Variants in SLC35F1 observed in about 807,000 individuals in gnomAD.
SLC35F1 encodes solute carrier family 35 member F1.
In SLC35F1, 14 loss-of-function variants were observed where a neutral mutation model predicts 48.7. That is an observed-to-expected ratio of 0.29 (90% CI 0.19 to 0.45). The LOEUF (loss-of-function observed/expected upper bound fraction) is 0.45, where lower values mean the gene tolerates loss of function less well. Ranked by LOEUF, SLC35F1 falls within the 20% of genes least tolerant of loss-of-function variation. The pLI, the probability that SLC35F1 is intolerant of heterozygous loss-of-function variation, is 1.00. For synonymous variants in SLC35F1, 190 were observed against 202.2 expected (o/e 0.94, Z 0.51); for missense variants, 404 against 500.0 (o/e 0.81, Z 1.83).
intron 7 of SLC35F1, among the ~76,000 whole-genome samples, chr6:118,295,281 A>T (rs965415045): frequency 2.6e-5 from 4 of 152,200 alleles, no homozygotes; most frequent in Admixed American, 2.6e-4. Context: ...ATATTTATTT[A>T]TTCTGTACCT....
chr6:118,018,763 A>G (rs1777355616), intron 1 of SLC35F1, among the ~76,000 whole-genome samples: 1 of 152,200 alleles, frequency 6.6e-6, no homozygotes, highest in African/African-American at 2.4e-5. Context: ...TGTGTGGCTA[A>G]TGGGACCAGT....
intron 2 of SLC35F1, among the ~76,000 whole-genome samples, chr6:118,223,353 G>T (rs1775175807): frequency 6.6e-6 from 1 of 151,860 alleles, no homozygotes; most frequent in African/African-American, 2.4e-5. Flanking sequence ...CTGCGAGCCA[G>T]ACACTTTACA....
At chr6:118,070,547 C>T (rs1158662645) in intron 1 of SLC35F1, among the ~76,000 whole-genome samples, 1 of 152,004 alleles carries the variant, frequency 6.6e-6, no homozygotes, top group Non-Finnish European at 1.5e-5. Context: ...TAATTGAATA[C>T]TATCAAATTT....
intron 2 of SLC35F1, among the ~76,000 whole-genome samples, chr6:118,202,305 G>A (rs1287773906): frequency 1.3e-5 from 2 of 151,828 alleles, no homozygotes; most frequent in South Asian, 2.1e-4. Flanking sequence ...AAGCAGTCTG[G>A]GCAACATAGA....
intron 2 of SLC35F1, among the ~76,000 whole-genome samples, chr6:118,234,203 G>T (rs1775332646): frequency 6.6e-6 from 1 of 152,130 alleles, no homozygotes; most frequent in Non-Finnish European, 1.5e-5. Context: ...CTCTAAGATG[G>T]CCTCCAAGGA....
chr6:118,269,906 A>G (rs1009664816), intron 4 of SLC35F1, among the ~76,000 whole-genome samples: 8 of 152,112 alleles, frequency 5.3e-5, no homozygotes, highest in Non-Finnish European at 1.0e-4. Flanking sequence ...GTGTGCACCT[A>G]TAGTCCTGCC....
intron 1 of SLC35F1, among the ~76,000 whole-genome samples, chr6:117,958,225 T>C (rs1776451896): frequency 6.6e-6 from 1 of 152,174 alleles, no homozygotes; most frequent in South Asian, 2.1e-4. Context: ...TTTGCATAGC[T>C]GTACAATGTA....
At chr6:118,051,891 A>G (rs1196353647) in intron 1 of SLC35F1, among the ~76,000 whole-genome samples, 1 of 152,186 alleles carries the variant, frequency 6.6e-6, no homozygotes, top group Non-Finnish European at 1.5e-5. Context: ...ATACAGTGCC[A>G]GAAGAACCAG....
chr6:118,221,954 T>C (rs1444045966), intron 2 of SLC35F1, among the ~76,000 whole-genome samples: 1 of 132,530 alleles, frequency 7.5e-6, no homozygotes, highest in Non-Finnish European at 1.6e-5. Flanking sequence ...TTTTTACATA[T>C]ATGTATACAA....
At chr6:117,923,686 C>CATATATGT (rs1554216712) in intron 1 of SLC35F1, among the ~76,000 whole-genome samples, 3 of 65,300 alleles carry the variant, frequency 4.6e-5, no homozygotes, top group Admixed American at 1.8e-4. Context: ...TACATATATA[C>CATATATGT]ATATGTACAT....
chr6:118,266,695 G>A (rs569189110), intron 3 of SLC35F1, among the ~76,000 whole-genome samples: 2 of 152,236 alleles, frequency 1.3e-5, no homozygotes, highest in Middle Eastern at 6.8e-3. Context: ...AGGAAGACAG[G>A]AGGCAGAGCT....
In SLC35F1 at chr6:117,916,987, G is replaced by T. The variant is rs111335736; in HGVS notation, c.173+9088G>T. Reference sequence around the variant, plus strand: ...GAGACTACATTCTACAAGAAAGGCAGGCAATAAAAACATGAAAAAGGTATC... The same window carrying T: ...GAGACTACATTCTACAAGAAAGGCATGCAATAAAAACATGAAAAAGGTATC... On this transcript the variant is annotated intron_variant, in intron 1 of 7. Transcript: ENST00000360388. Among the ~76,000 whole-genome samples, 1,095 of 152,290 alleles carry T rather than the reference G, an allele frequency of 7.2e-3. 15 individuals are homozygous for T. The highest frequency in any genetic ancestry group is 0.025 in the African/African-American group (1,037 of 41,554).
intron 1 of SLC35F1, among the ~76,000 whole-genome samples, chr6:117,968,657 C>A (rs77747390): frequency 0.013 from 1,992 of 152,256 alleles, 22 homozygotes; most frequent in Non-Finnish European, 0.02. Context: ...ATATCTAATA[C>A]CCAATCTTTG....
At chr6:117,955,928 A>G (rs2114831127) in intron 1 of SLC35F1, among the ~76,000 whole-genome samples, 1 of 152,336 alleles carries the variant, frequency 6.6e-6, no homozygotes, top group Non-Finnish European at 1.5e-5. Flanking sequence ...ATGTACAGGC[A>G]TTTTATAACT....
chr6:118,074,164 T>C (rs1204479681), intron 1 of SLC35F1, among the ~76,000 whole-genome samples: 1 of 152,182 alleles, frequency 6.6e-6, no homozygotes, highest in African/African-American at 2.4e-5. Context: ...TGTTGTAGAT[T>C]ATTAGTGCAT....
chr6:118,162,070 TCATTG>T (rs1261961838), intron 2 of SLC35F1, among the ~76,000 whole-genome samples: 1 of 152,212 alleles, frequency 6.6e-6, no homozygotes, highest in Non-Finnish European at 1.5e-5. Flanking sequence ...ATACAAATAC[TCATTG>T]CATCTTTATT....
intron 1 of SLC35F1, among the ~76,000 whole-genome samples, chr6:118,037,856 C>A (rs916402408): frequency 1.4e-5 from 2 of 143,466 alleles, no homozygotes; most frequent in Admixed American, 7.1e-5. Flanking sequence ...ACATCACACA[C>A]TGGGGCCTGT....
intron 1 of SLC35F1, among the ~76,000 whole-genome samples, chr6:117,911,301 C>A (rs766099234): frequency 2.0e-5 from 3 of 152,250 alleles, no homozygotes; most frequent in Non-Finnish European, 4.4e-5. Context: ...AATTACTACT[C>A]CTTTAATATT....
chr6:118,205,227 G>T (rs1409219787), intron 2 of SLC35F1, among the ~76,000 whole-genome samples: 3 of 152,136 alleles, frequency 2.0e-5, no homozygotes, highest in African/African-American at 7.2e-5. Flanking sequence ...AGATTCTAGT[G>T]GAGGAAGATG....
Sources: gnomAD v4.1 joint callset for allele counts (sites outside exome capture counted in the v4.1 genomes callset) on GRCh38, gnomAD v4.1.1 for gene constraint, MANE v1.5 for transcripts, NCBI Gene and HGNC (gene_info 2026-07-23, HGNC 2026-07-21) for gene names.